LHX4: variants seen among roughly 807,000 people sequenced by gnomAD.
LHX4 encodes LIM homeobox 4, also known as LIM/homeobox protein Lhx4.
Under a neutral mutation model 39.2 loss-of-function variants are expected in LHX4, and 16 were observed. The ratio of observed to expected loss-of-function variants is 0.41; its 90% CI spans 0.28 to 0.62. The LOEUF is 0.62. LHX4 is among the 20% of genes least tolerant of loss of function. The pLI is 0.33. For missense variants in LHX4, 439 were observed against 511.9 expected, an observed-to-expected ratio of 0.86 and a Z score of 1.37; for synonymous variants, 206 against 198.1, an observed-to-expected ratio of 1.04 and a Z score of -0.33.
intron 1 of LHX4, among the ~76,000 whole-genome samples, chr1:180,240,677 G>A (rs1030553926): frequency 6.6e-6 from 1 of 152,204 alleles, no homozygotes; most frequent in Non-Finnish European, 1.5e-5. Flanking sequence ...CGTGAGTGGG[G>A]AATACAAATG....
At chr1:180,256,003 G>A (rs989626276) in intron 2 of LHX4, among the ~76,000 whole-genome samples, 4 of 152,314 alleles carry the variant, frequency 2.6e-5, no homozygotes, top group Admixed American at 1.3e-4. Context: ...AGCAGCCAGC[G>A]GCACCTGCCT....
chr1:180,258,575 G>A (rs921807764), intron 2 of LHX4, among the ~76,000 whole-genome samples: 1 of 152,164 alleles, frequency 6.6e-6, no homozygotes, highest in Admixed American at 6.5e-5. Flanking sequence ...GCAGCTGTAG[G>A]TGCTGGCTGA....
Position 180,230,264 on chromosome 1 carries a change from A to C in LHX4, c.-266A>C. The C allele has an allele frequency of 3.7e-6, 2 of 541,778 alleles. No individual in the cohort carries two copies. Among genetic ancestry groups the C allele is most frequent in the Middle Eastern group, 5.0e-4 (1 of 2,018 alleles). The allele number at this position is 541,778 out of a possible 1,614,324, so 33.6% of individuals were successfully genotyped here. ...CGGGGGAGGGAAGAGGAAAAAAGCC[A>C]GAGCTGCAGCAACAGCGTCTCAACC... On this transcript the variant is annotated 5_prime_UTR_variant, in exon 1 of 6. Coordinates refer to ENST00000263726, the MANE Select transcript of LHX4 (RefSeq NM_033343.4). This position sits in a 1 kb window ranked among gnomAD's most constrained non-coding sequence, Gnocchi z 5.8.
intron 3 of LHX4, 91 bp from the exon 4 acceptor site, chr1:180,271,289 T>G: frequency 7.1e-7 from 1 of 1,417,920 alleles, no homozygotes; most frequent in Non-Finnish European, 1.0e-6. Flanking sequence ...CAGGCAGGCT[T>G]AGGTGCAGAA....
At chr1:180,253,055 G>T (rs1039814635) in intron 2 of LHX4, among the ~76,000 whole-genome samples, 5 of 152,170 alleles carry the variant, frequency 3.3e-5, no homozygotes, top group Non-Finnish European at 5.9e-5. Flanking sequence ...AGCACAGTGG[G>T]GACCATGATT....
intron 2 of LHX4, among the ~76,000 whole-genome samples, chr1:180,254,016 C>T (rs575700768): frequency 1.3e-5 from 2 of 152,308 alleles, no homozygotes; most frequent in Non-Finnish European, 2.9e-5. Context: ...ACAAACAGAG[C>T]TGTGGAATTG....
At chr1:180,239,407 G>A (rs1458541747) in intron 1 of LHX4, among the ~76,000 whole-genome samples, 1 of 152,230 alleles carries the variant, frequency 6.6e-6, no homozygotes, top group Non-Finnish European at 1.5e-5. Context: ...TACTATTTCA[G>A]TTGCATATGT....
chr1:180,237,113 T>C (rs1664338705), intron 1 of LHX4, among the ~76,000 whole-genome samples: 3 of 150,958 alleles, frequency 2.0e-5, no homozygotes, highest in African/African-American at 4.9e-5. Flanking sequence ...CTTCCCCTGT[T>C]CCCCCAATTT....
intron 1 of LHX4, among the ~76,000 whole-genome samples, chr1:180,243,351 TTCCTCGACGCCTCC>T (rs1449380421): frequency 6.6e-6 from 1 of 151,926 alleles, no homozygotes; most frequent in Non-Finnish European, 1.5e-5. Context: ...CAAGGTAGTC[TTCCTCGACGCCTCC>T]TCCCTCAGGA....
In LHX4 at chr1:180,230,657, C is replaced by T. The variant is rs1246370306; in HGVS notation, c.76+52C>T. ...TTAATTCTAACAAGACAGCTAGCAG[C>T]CTCAGCCGCTGCGGGGCGGGCCGGA... On this transcript the variant is annotated intron_variant, in intron 1 of 5. Transcript: ENST00000263726. The surrounding 1 kb of genome is among the most constrained non-coding windows in gnomAD (Gnocchi z 5.8). 6.5e-7 allele frequency: 1 copy of T among 1,539,338 alleles called. No individual in the cohort carries two copies. Among genetic ancestry groups the T allele is most frequent in the Non-Finnish European group, 9.0e-7 (1 of 1,115,124 alleles).
intron 1 of LHX4, among the ~76,000 whole-genome samples, chr1:180,241,214 A>G (rs1455473344): frequency 6.6e-6 from 1 of 152,202 alleles, no homozygotes; most frequent in African/African-American, 2.4e-5. Flanking sequence ...AGAGTCTGCC[A>G]GATCCCTTTA....
chr1:180,257,880 A>G (rs1647925956), intron 2 of LHX4, among the ~76,000 whole-genome samples: 1 of 152,180 alleles, frequency 6.6e-6, no homozygotes, highest in African/African-American at 2.4e-5. Flanking sequence ...GAGGAGAGGC[A>G]CTGAGTTCAA....
chr1:180,250,852 C>T (rs186170849), intron 2 of LHX4, among the ~76,000 whole-genome samples: 1 of 152,310 alleles, frequency 6.6e-6, no homozygotes, highest in East Asian at 1.9e-4. Flanking sequence ...TCCCTAGACC[C>T]AGGAAGCGCC....
chr1:180,249,152 C>T (rs1558212621), intron 2 of LHX4, among the ~76,000 whole-genome samples: 1 of 152,196 alleles, frequency 6.6e-6, no homozygotes, highest in Non-Finnish European at 1.5e-5. Context: ...CAGTAGTAGT[C>T]CCTACCTCAT....
chr1:180,248,016 A>G (rs116806948), intron 1 of LHX4, among the ~76,000 whole-genome samples: 2,127 of 152,258 alleles, frequency 0.014, 19 homozygotes, highest in Non-Finnish European at 0.022. Flanking sequence ...GCCCTTAGAA[A>G]CGAGTGATTC....
chr1:180,238,247 T>C (rs992079189), intron 1 of LHX4, among the ~76,000 whole-genome samples: 6 of 152,156 alleles, frequency 3.9e-5, no homozygotes, highest in African/African-American at 1.2e-4. Flanking sequence ...ACAAAGGAGA[T>C]TTTCAAAGGC....
intron 3 of LHX4, chr1:180,270,707 A>G (rs1648594097): frequency 6.4e-6 from 1 of 156,578 alleles, no homozygotes; most frequent in Non-Finnish European, 1.4e-5. Context: ...CTCAGTACAC[A>G]TATTTATACA....
intron 3 of LHX4, chr1:180,269,845 C>CTAAG (rs1409909309): frequency 6.6e-6 from 1 of 152,172 alleles, no homozygotes; most frequent in Non-Finnish European, 1.5e-5. Context: ...GAATGACTCT[C>CTAAG]TAAGTAGTGT....
At chr1:180,244,008 C>T (rs1419431294) in intron 1 of LHX4, among the ~76,000 whole-genome samples, 1 of 152,190 alleles carries the variant, frequency 6.6e-6, no homozygotes, top group East Asian at 1.9e-4. Context: ...TCTGGCTCCC[C>T]CACCGTCAGC....
Sources: allele counts gnomAD v4.1 joint callset (sites outside exome capture counted in the v4.1 genomes callset), GRCh38; gene constraint gnomAD v4.1.1; non-coding constraint Gnocchi (gnomAD v3.1); transcripts MANE v1.5; gene names NCBI Gene and HGNC (gene_info 2026-07-23, HGNC 2026-07-21).